Variants in GLG1 observed in about 807,000 individuals in gnomAD.
GLG1 encodes Golgi apparatus protein 1.
GLG1 carries 38 observed loss-of-function variants against 160.5 expected under a neutral mutation model. The observed-to-expected ratio is 0.24, with a 90% CI of 0.18 to 0.31. The LOEUF is 0.31. GLG1 is among the 10% of genes least tolerant of loss of function. The pLI, the probability that GLG1 is intolerant of heterozygous loss-of-function variation, is 1.00. For missense variants in GLG1, 1,373 were observed against 1,505.2 expected (o/e 0.91, Z 1.45); for synonymous variants, 644 against 543.4 (o/e 1.19, Z -2.57).
chr16:74,583,155 C>T (rs936769485), intron 1 of GLG1, among the ~76,000 whole-genome samples: 2 of 152,164 alleles, frequency 1.3e-5, no homozygotes, highest in South Asian at 4.1e-4. Context: ...AGGGCTCAGT[C>T]CTTGGAATCA....
intron 2 of GLG1, among the ~76,000 whole-genome samples, chr16:74,529,266 G>C (rs1420484851): frequency 6.6e-6 from 1 of 152,048 alleles, no homozygotes; most frequent in Non-Finnish European, 1.5e-5. Flanking sequence ...ACCGCACCTG[G>C]CCATGAATCT....
At chr16:74,606,501 G>GA (rs1250148075) in intron 1 of GLG1, among the ~76,000 whole-genome samples, 156 bp downstream of exon 1, 3 of 152,180 alleles carry the variant, frequency 2.0e-5, no homozygotes, top group Non-Finnish European at 4.4e-5. Context: ...CCTTTTCCCT[G>GA]AAAGCGCCTG....
At chr16:74,494,059 T>C (rs2016095735) in intron 6 of GLG1, among the ~76,000 whole-genome samples, 1 of 151,718 alleles carries the variant, frequency 6.6e-6, no homozygotes, top group Non-Finnish European at 1.5e-5. Context: ...CCTGTAGTCA[T>C]AGCTACTAGG....
intron 18 of GLG1, among the ~76,000 whole-genome samples, chr16:74,467,175 C>G (rs1027712121): frequency 1.3e-5 from 2 of 152,230 alleles, no homozygotes; most frequent in African/African-American, 4.8e-5. Context: ...CAGCAACAGT[C>G]TGATACAAGA....
chr16:74,525,253 T>C (rs754902236), intron 2 of GLG1, among the ~76,000 whole-genome samples: 1 of 152,220 alleles, frequency 6.6e-6, no homozygotes, highest in Non-Finnish European at 1.5e-5. Flanking sequence ...CTATTTCACA[T>C]TCCACCAGCA....
Position 74,453,937 on chromosome 16 carries a change from T to C in GLG1, c.3373-603A>G, listed in dbSNP as rs904515501. ...ACCCAGGCATTGTGCAGTGGCATGA[T>C]GTCAGCTCACCACAACCTCTACCTC... is the stretch of plus-strand genomic sequence containing the variant. On this transcript the variant is annotated intron_variant, in intron 25 of 25. Transcript: ENST00000422840. 4.0e-5 allele frequency among the ~76,000 whole-genome samples: 6 copies of C among 151,656 alleles called. No individual in the cohort carries two copies. In the East Asian group the frequency reaches 7.7e-4, roughly 20 times the overall value.
chr16:74,557,880 T>C (rs1289200702), intron 1 of GLG1, among the ~76,000 whole-genome samples: 3 of 152,126 alleles, frequency 2.0e-5, no homozygotes, highest in Middle Eastern at 3.4e-3. Context: ...CCACCAGGCC[T>C]GGCCATAGAA....
intron 2 of GLG1, among the ~76,000 whole-genome samples, chr16:74,528,485 T>A (rs1306076640): frequency 6.6e-6 from 1 of 152,074 alleles, no homozygotes; most frequent in Non-Finnish European, 1.5e-5. Flanking sequence ...TTGTTGAGTT[T>A]TCTTTTTATC....
chr16:74,456,773 T>A lies in GLG1; in HGVS notation c.3266-18A>T. On this transcript the variant is annotated intron_variant, in intron 24 of 25. Coordinates refer to ENST00000422840, the MANE Select transcript of GLG1 (RefSeq NM_001145667.2). ...GGACATTTCTGTGGGAGGAAATGAATAATAAGAAGAACCTGAAACTGTACA... is the reference window on the plus strand; with the variant it reads ...GGACATTTCTGTGGGAGGAAATGAAAAATAAGAAGAACCTGAAACTGTACA... The A allele has an allele frequency of 7.0e-7, 1 of 1,420,550 alleles. No individual in the cohort carries two copies. The highest frequency in any genetic ancestry group is 1.0e-6 in the Non-Finnish European group (1 of 1,003,250). The allele number at this position is 1,420,550 out of a possible 1,614,324, so 88.0% of individuals were successfully genotyped here.
intron 1 of GLG1, among the ~76,000 whole-genome samples, chr16:74,600,293 T>G (rs1012694074): frequency 2.6e-5 from 4 of 151,182 alleles, no homozygotes; most frequent in African/African-American, 9.7e-5. Flanking sequence ...CTCGGGAGGC[T>G]GAAGTGGGAG....
chr16:74,571,350 A>AG (rs1210747900), intron 1 of GLG1, among the ~76,000 whole-genome samples: 1 of 152,214 alleles, frequency 6.6e-6, no homozygotes, highest in Non-Finnish European at 1.5e-5. Context: ...CCACAGATTC[A>AG]GGGGCAAATA....
At chr16:74,564,707 G>A (rs1237439232) in intron 1 of GLG1, among the ~76,000 whole-genome samples, 1 of 152,176 alleles carries the variant, frequency 6.6e-6, no homozygotes, top group African/African-American at 2.4e-5. Context: ...AATTGTGAGA[G>A]CCCACTGTTT....
intron 1 of GLG1, among the ~76,000 whole-genome samples, chr16:74,573,461 T>C (rs1009650499): frequency 2.6e-5 from 4 of 152,070 alleles, no homozygotes; most frequent in Non-Finnish European, 4.4e-5. Flanking sequence ...TATTACTATA[T>C]TAAAAATCAC....
intron 2 of GLG1, among the ~76,000 whole-genome samples, chr16:74,529,657 A>C (rs1389561168): frequency 6.6e-6 from 1 of 152,044 alleles, no homozygotes; most frequent in Non-Finnish European, 1.5e-5. Context: ...ATGAATGGCT[A>C]TATTATAGAA....
Position 74,562,660 on chromosome 16 carries a change from A to C in GLG1, c.439-30507T>G, listed in dbSNP as rs767601248. On this transcript the variant is annotated intron_variant, in intron 1 of 25. Coordinates refer to ENST00000422840, the MANE Select transcript of GLG1 (RefSeq NM_001145667.2). ...TTTTTAGTAGAGATGGGGTTTCACCATGTTGGTCAGGCTGGTCTTGAACTC... is the reference window on the plus strand; with the variant it reads ...TTTTTAGTAGAGATGGGGTTTCACCCTGTTGGTCAGGCTGGTCTTGAACTC... Among the ~76,000 whole-genome samples the C allele has an allele frequency of 1.2e-3, 180 of 152,154 alleles. 1 individual carries two copies. The highest frequency in any genetic ancestry group is 2.0e-3 in the Non-Finnish European group (138 of 68,018).
intron 23 of GLG1, among the ~76,000 whole-genome samples, chr16:74,458,944 A>T (rs1288886428): frequency 6.6e-6 from 1 of 152,210 alleles, no homozygotes; most frequent in African/African-American, 2.4e-5. Context: ...CATAAATAAA[A>T]GTTAGTATGC....
At chr16:74,498,377 A>T (rs2016274887) in intron 4 of GLG1, among the ~76,000 whole-genome samples, 1 of 138,952 alleles carries the variant, frequency 7.2e-6, no homozygotes, top group African/African-American at 2.6e-5. Flanking sequence ...GGTTGCAGGG[A>T]GCCGAGATTG....
At chr16:74,589,115 C>T (rs533388106) in intron 1 of GLG1, among the ~76,000 whole-genome samples, 49 of 151,744 alleles carry the variant, frequency 3.2e-4, no homozygotes, top group African/African-American at 1.2e-3. Context: ...ATTAGACGGG[C>T]GTGGTGGCGT....
chr16:74,503,608 A>T lies in GLG1; in HGVS notation c.697T>A (p.Leu233Ile). 6.2e-7 allele frequency: 1 copy of T among 1,613,696 alleles called. No individual in the cohort carries two copies. Among genetic ancestry groups the T allele is most frequent in the Non-Finnish European group, 8.5e-7 (1 of 1,179,588 alleles). Residue 233 changes from leucine to isoleucine, a missense_variant, in exon 4 of 26, where the codon TTA (leucine) becomes ATA (isoleucine). Coordinates refer to ENST00000422840, the MANE Select transcript of GLG1 (RefSeq NM_001145667.2). ...CAGTCATCCATGAAGCCACAGATTAAACGGTAATCACTAAAAATGATGGCC... is the reference window on the plus strand; with the variant it reads ...CAGTCATCCATGAAGCCACAGATTATACGGTAATCACTAAAAATGATGGCC... ...MTAIIFSDYR[L>I]ICGFMDDCKN...
Sources: allele counts gnomAD v4.1 joint callset (sites outside exome capture counted in the v4.1 genomes callset), GRCh38; gene constraint gnomAD v4.1.1; transcripts MANE v1.5; gene names NCBI Gene and HGNC (gene_info 2026-07-23, HGNC 2026-07-21).